Variants in PCDHA12 observed in about 807,000 individuals in gnomAD.
PCDHA12 encodes the protein protocadherin alpha-12.
In PCDHA12, 44 loss-of-function variants were observed where a neutral mutation model predicts 60.0. The observed-to-expected ratio is 0.73, with a 90% CI of 0.58 to 0.94. The LOEUF (loss-of-function observed/expected upper bound fraction) is 0.94, where lower values mean the gene tolerates loss of function less well. Ranked by LOEUF, PCDHA12 falls within the 40% of genes least tolerant of loss-of-function variation. The pLI, the probability that PCDHA12 is intolerant of heterozygous loss-of-function variation, is 0.00. For synonymous variants in PCDHA12, 569 were observed against 553.0 expected, an observed-to-expected ratio of 1.03 and a Z score of -0.40; for missense variants, 1,276 against 1,239.7, an observed-to-expected ratio of 1.03 and a Z score of -0.44.
chr5:140,909,254 G>T (rs915513119), intron 1 of PCDHA12, among the ~76,000 whole-genome samples: 1 of 152,216 alleles, frequency 6.6e-6, no homozygotes, highest in Non-Finnish European at 1.5e-5. Context: ...TGCTGGCCTT[G>T]CTGACTGAAG....
chr5:140,878,517 G>T (rs2153361711), intron 1 of PCDHA12, among the ~76,000 whole-genome samples: 1 of 152,246 alleles, frequency 6.6e-6, no homozygotes, highest in African/African-American at 2.4e-5. Context: ...AGTACAGTTG[G>T]TAACCAACTG....
At chr5:140,941,255 C>CTCTT (rs1554214207) in intron 1 of PCDHA12, among the ~76,000 whole-genome samples, 2 of 44,508 alleles carry the variant, frequency 4.5e-5, no homozygotes, top group African/African-American at 1.4e-4. Context: ...TTCTTTCTTT[C>CTCTT]TCTTTCTTTC....
rs1311209449 is a variant in PCDHA12, at chr5:141,010,944, A to G, written c.*1007A>G. On this transcript the variant is annotated 3_prime_UTR_variant, in exon 4 of 4. Transcript: ENST00000398631. ...GAGAATTCAGTCTACAGCCATTTAA[A>G]TGATCATTGCTGCTACAGAAGTGCT... 6.5e-6 allele frequency: 1 copy of G among 153,776 alleles called. No individual in the cohort carries two copies. The highest frequency in any genetic ancestry group is 2.4e-5 in the African/African-American group (1 of 41,450). 9.5% of individuals were successfully genotyped at this position (153,776 alleles called of 1,614,324 possible).
intron 1 of PCDHA12, chr5:140,928,776 T>C (rs2085518837): frequency 6.2e-7 from 1 of 1,614,044 alleles, no homozygotes; most frequent in East Asian, 2.2e-5. Flanking sequence ...TTCCCACTGA[T>C]GCAGTTAAGC....
chr5:140,883,886 T>C, intron 1 of PCDHA12: 1 of 1,613,156 alleles, frequency 6.2e-7, no homozygotes, highest in Non-Finnish European at 8.5e-7. Flanking sequence ...CGCGCGCGAC[T>C]CTGGCGTGCC....
intron 1 of PCDHA12, among the ~76,000 whole-genome samples, chr5:140,909,158 A>G (rs2074345366): frequency 6.6e-6 from 1 of 152,338 alleles, no homozygotes; most frequent in Non-Finnish European, 1.5e-5. Flanking sequence ...TATGGAAGGG[A>G]AAATCAATCA....
chr5:141,009,571 T>C, intron 3 of PCDHA12, 56 bp from the exon 4 acceptor site: 10 of 1,578,600 alleles, frequency 6.3e-6, no homozygotes, highest in Non-Finnish European at 7.7e-6. Context: ...ACCAGCAGTG[T>C]GGCATCAAGA....
chr5:140,879,010 G>T (rs2057809352), intron 1 of PCDHA12, among the ~76,000 whole-genome samples: 1 of 152,200 alleles, frequency 6.6e-6, no homozygotes, highest in African/African-American at 2.4e-5. Context: ...CTAGAAATCA[G>T]ATAATGTTTT....
At chr5:140,882,208 G>C (rs1554173113) in intron 1 of PCDHA12, 2 of 1,531,598 alleles carry the variant, frequency 1.3e-6, no homozygotes, top group East Asian at 4.5e-5. Flanking sequence ...GGCCTTGAGA[G>C]ACAGTTTGAG....
chr5:140,883,546 C>T (rs782071318), intron 1 of PCDHA12: 3 of 1,614,200 alleles, frequency 1.9e-6, no homozygotes, highest in Non-Finnish European at 1.7e-6. Flanking sequence ...TGGTGGTGAC[C>T]GCGCGGGACG....
chr5:140,971,487 C>G (rs1285006281), intron 1 of PCDHA12, among the ~76,000 whole-genome samples: 1 of 152,110 alleles, frequency 6.6e-6, no homozygotes, highest in African/African-American at 2.4e-5. Flanking sequence ...CACATTGTTA[C>G]AGTGTGGCAA....
rs565071573 is a variant in PCDHA12, at chr5:141,009,664, G to A, written c.2553G>A (p.Ala851=). The A allele has an allele frequency of 2.2e-5, 36 of 1,613,862 alleles. No individual in the cohort carries two copies. The highest frequency in any genetic ancestry group is 5.0e-5 in the Admixed American group (3 of 59,974). The stretch of plus-strand genomic sequence containing the variant: ...GAGAAGTGTCCCCTCCAGTCGGTGC[G>A]GGTGTCAACAGCAACAGCTGGACCT... The part of the protein sequence containing the change: ...EAGEVSPPVG[A]GVNSNSWTFK... Residue 851 remains alanine (A), a synonymous_variant, in exon 4 of 4, where the codon GCG becomes GCA. Transcript: ENST00000398631.
At chr5:140,882,235 A>G (rs782339930) in intron 1 of PCDHA12, 9 of 1,580,864 alleles carry the variant, frequency 5.7e-6, no homozygotes, top group Admixed American at 1.8e-5. Flanking sequence ...CGTTGTATAT[A>G]TTGCAGATAG....
At chr5:140,895,340 A>G (rs964651163) in intron 1 of PCDHA12, among the ~76,000 whole-genome samples, 1 of 151,822 alleles carries the variant, frequency 6.6e-6, no homozygotes, top group African/African-American at 2.4e-5. Context: ...TTGTTTTACT[A>G]TGCTTTCCAG....
intron 1 of PCDHA12, among the ~76,000 whole-genome samples, chr5:140,922,406 G>C (rs1411149387): frequency 9.8e-5 from 15 of 152,288 alleles, no homozygotes; most frequent in African/African-American, 3.6e-4. Flanking sequence ...GGATTAAAAA[G>C]ATCTAGGTAC....
intron 1 of PCDHA12, among the ~76,000 whole-genome samples, chr5:140,937,332 C>T (rs1003482242): frequency 6.3e-4 from 96 of 152,212 alleles, no homozygotes; most frequent in African/African-American, 2.0e-3. Context: ...CCACCGCGCC[C>T]GGCTTCTTCC....
chr5:140,937,160 C>T lies in PCDHA12; in HGVS notation c.2368-41789C>T, dbSNP rs767846084. Among the ~76,000 whole-genome samples the T allele has an allele frequency of 1.0e-3, 155 of 151,762 alleles. 1 individual carries two copies. Among genetic ancestry groups the T allele is most frequent in the Admixed American group, 4.7e-3 (71 of 15,248 alleles). ...TCATGCCATTCTCCTGCCTCAGCCT[C>T]CCGAGTAGCTGGGACTACAGGCGCC... On this transcript the variant is annotated intron_variant, in intron 1 of 3. Coordinates refer to ENST00000398631, the MANE Select transcript of PCDHA12 (RefSeq NM_018903.4).
At chr5:140,922,288 T>C (rs2080761283) in intron 1 of PCDHA12, among the ~76,000 whole-genome samples, 1 of 152,150 alleles carries the variant, frequency 6.6e-6, no homozygotes, top group African/African-American at 2.4e-5. Context: ...GATATGAAAA[T>C]GCTAGGAGAG....
rs114351206 is a variant in PCDHA12 at position 140,991,799 on chromosome 5, G to A, written c.2515+9236G>A. Among the ~76,000 whole-genome samples the A allele has an allele frequency of 3.8e-3, 580 of 152,160 alleles. 3 individuals are homozygous for A. The highest frequency in any genetic ancestry group is 0.013 in the African/African-American group (548 of 41,490). On this transcript the variant is annotated intron_variant, in intron 3 of 3. Coordinates refer to ENST00000398631, the MANE Select transcript of PCDHA12 (RefSeq NM_018903.4). ...ACTCTGCCCATTTCCCAATCTCAAG[G>A]CCACTTCCGCATTTTTAGGCATTTA... is the stretch of plus-strand genomic sequence containing the variant.
Sources: allele counts gnomAD v4.1 joint callset (sites outside exome capture counted in the v4.1 genomes callset), GRCh38; gene constraint gnomAD v4.1.1; transcripts MANE v1.5; gene names NCBI Gene and HGNC (gene_info 2026-07-23, HGNC 2026-07-21).